DNM3: variants seen among roughly 807,000 people sequenced by gnomAD.
DNM3 encodes the protein dynamin 3.
DNM3 carries 47 observed loss-of-function variants against 101.6 expected under a neutral mutation model. The ratio of observed to expected loss-of-function variants is 0.46; its 90% CI spans 0.37 to 0.59. DNM3 has a LOEUF of 0.59. Ranked by LOEUF, DNM3 falls within the 20% of genes least tolerant of loss-of-function variation. The pLI, the probability that DNM3 is intolerant of heterozygous loss-of-function variation, is 0.00. For synonymous variants in DNM3, 385 were observed against 387.9 expected, an observed-to-expected ratio of 0.99 and a Z score of 0.09; for missense variants, 849 against 1,085.7, an observed-to-expected ratio of 0.78 and a Z score of 3.06.
chr1:171,940,332 C>T (rs2041728066), intron 2 of DNM3, among the ~76,000 whole-genome samples: 1 of 152,080 alleles, frequency 6.6e-6, no homozygotes, highest in Admixed American at 6.5e-5. Flanking sequence ...TTCATTTATT[C>T]ATTCATCTCT....
intron 10 of DNM3, among the ~76,000 whole-genome samples, chr1:172,052,226 C>A (rs1170919497): frequency 6.6e-6 from 1 of 152,146 alleles, no homozygotes; most frequent in Non-Finnish European, 1.5e-5. Context: ...ACACCCCCTT[C>A]TTATCCTTGT....
intron 15 of DNM3, among the ~76,000 whole-genome samples, chr1:172,261,208 A>G (rs541511479): frequency 2.5e-4 from 37 of 150,764 alleles, no homozygotes; most frequent in Non-Finnish European, 4.3e-4. Flanking sequence ...CTGTGTTCTT[A>G]TGTTGATATC....
intron 2 of DNM3, among the ~76,000 whole-genome samples, chr1:171,970,478 G>GTC (rs1288757205): frequency 6.6e-6 from 1 of 152,012 alleles, no homozygotes; most frequent in Non-Finnish European, 1.5e-5. Flanking sequence ...ACTAACTTAG[G>GTC]TAACAAGCGT....
intron 15 of DNM3, among the ~76,000 whole-genome samples, chr1:172,301,120 G>A (rs2064427767): frequency 6.6e-6 from 1 of 152,190 alleles, no homozygotes; most frequent in African/African-American, 2.4e-5. Context: ...GGAGAAGAAA[G>A]CTTGTTAATC....
chr1:171,865,143 CATTT>C (rs1032601392), intron 1 of DNM3, among the ~76,000 whole-genome samples: 1 of 52,374 alleles, frequency 1.9e-5, no homozygotes, highest in African/African-American at 6.7e-5. Flanking sequence ...AAACTATATT[CATTT>C]ATTTATTCAT....
intron 14 of DNM3, among the ~76,000 whole-genome samples, chr1:172,143,650 T>A (rs2057714143): frequency 6.6e-6 from 1 of 152,086 alleles, no homozygotes; most frequent in South Asian, 2.1e-4. Flanking sequence ...CTCAGAGAAG[T>A]GGAAGCATTG....
chr1:171,890,711 A>G (rs751351887), intron 1 of DNM3, among the ~76,000 whole-genome samples: 12 of 152,206 alleles, frequency 7.9e-5, no homozygotes, highest in Admixed American at 1.3e-4. Flanking sequence ...ATAACCTTCA[A>G]TTCTGTGTGT....
At chr1:172,390,489 G>T (rs537868229) in intron 20 of DNM3, among the ~76,000 whole-genome samples, 1 of 152,214 alleles carries the variant, frequency 6.6e-6, no homozygotes, top group East Asian at 1.9e-4. Context: ...CCTGTGTATT[G>T]TAAGATGTTT....
intron 2 of DNM3, among the ~76,000 whole-genome samples, chr1:171,924,634 C>G (rs59949348): frequency 6.6e-6 from 1 of 152,088 alleles, no homozygotes; most frequent in Non-Finnish European, 1.5e-5. Flanking sequence ...GAAACTGCCC[C>G]CCATTAATTA....
At chr1:172,369,785 G>C (rs1573632216) in intron 17 of DNM3, among the ~76,000 whole-genome samples, 5 of 151,866 alleles carry the variant, frequency 3.3e-5, no homozygotes, top group South Asian at 4.1e-4. Flanking sequence ...GTTTGCTAGA[G>C]ATGCCATAAC....
At chr1:172,327,179 A>G (rs2065970661) in intron 17 of DNM3, among the ~76,000 whole-genome samples, 1 of 152,176 alleles carries the variant, frequency 6.6e-6, no homozygotes, top group African/African-American at 2.4e-5. Flanking sequence ...TTTTTACAAC[A>G]TTTAAGAAAC....
intron 14 of DNM3, among the ~76,000 whole-genome samples, chr1:172,180,847 T>C (rs1032230154): frequency 6.6e-6 from 1 of 152,174 alleles, no homozygotes; most frequent in Non-Finnish European, 1.5e-5. Context: ...CTTTGGCATG[T>C]GGCATTTACT....
intron 1 of DNM3, among the ~76,000 whole-genome samples, chr1:171,901,340 G>A (rs1404426616): frequency 6.6e-6 from 1 of 152,090 alleles, no homozygotes; most frequent in East Asian, 1.9e-4. Context: ...AGAGGTGAAT[G>A]AAATAGGCCC....
chr1:171,873,435 T>C (rs1465211648), intron 1 of DNM3, among the ~76,000 whole-genome samples: 4 of 152,188 alleles, frequency 2.6e-5, no homozygotes, highest in Admixed American at 2.0e-4. Flanking sequence ...AAGATTCCTG[T>C]GCTTGAGGAA....
rs1179225092 is a variant in DNM3, at chr1:172,033,130, C to T, written c.714C>T (p.Ser238=). 1.2e-6 allele frequency: 2 copies of T among 1,612,474 alleles called. No individual in the cohort carries two copies. The highest frequency in any genetic ancestry group is 3.3e-5 in the Admixed American group (2 of 59,732). The part of the protein sequence containing the change: ...RRGYVGVVNR[S]QKDIDGKKDI... The stretch of plus-strand genomic sequence containing the variant: ...GTTACGTGGGGGTGGTAAACAGAAG[C>T]CAGAAGGACATAGATGGGAAGAAGG... Residue 238 remains serine, a synonymous_variant, in exon 6 of 21, where the codon AGC becomes AGT. Transcript: ENST00000627582.
At chr1:172,020,773 T>C (rs1057393594) in intron 4 of DNM3, among the ~76,000 whole-genome samples, 6 of 151,156 alleles carry the variant, frequency 4.0e-5, no homozygotes, top group Non-Finnish European at 7.4e-5. Context: ...TATTTCCAGT[T>C]GATCACTTTC....
chr1:171,902,551 T>C (rs1296134085), intron 1 of DNM3, among the ~76,000 whole-genome samples: 2 of 152,140 alleles, frequency 1.3e-5, no homozygotes, highest in East Asian at 3.8e-4. Context: ...TACAGAAATG[T>C]GTTGAGGAGT....
At chr1:172,231,250 C>G (rs1352690716) in intron 14 of DNM3, among the ~76,000 whole-genome samples, 1 of 152,044 alleles carries the variant, frequency 6.6e-6, no homozygotes, top group Non-Finnish European at 1.5e-5. Context: ...CCTGGTACCC[C>G]TCTGAGACAA....
At chr1:171,929,880 T>A (rs1434134317) in intron 2 of DNM3, among the ~76,000 whole-genome samples, 3 of 152,148 alleles carry the variant, frequency 2.0e-5, no homozygotes, top group Admixed American at 6.5e-5. Context: ...GAAGGACGGC[T>A]TTTCCCCCCA....
Sources: allele counts gnomAD v4.1 joint callset (sites outside exome capture counted in the v4.1 genomes callset), GRCh38; gene constraint gnomAD v4.1.1; transcripts MANE v1.5; gene names NCBI Gene and HGNC (gene_info 2026-07-23, HGNC 2026-07-21).